The following MTHFD1 variants were observed in gnomAD, a reference collection of about 807,000 sequenced individuals.
MTHFD1 encodes the protein C-1-tetrahydrofolate synthase, cytoplasmic.
In MTHFD1, 44 loss-of-function variants were observed where a neutral mutation model predicts 110.3. The ratio of observed to expected loss-of-function variants is 0.40; its 90% CI spans 0.31 to 0.51. The LOEUF (loss-of-function observed/expected upper bound fraction) is 0.51. Among genes scored for constraint, MTHFD1 ranks in the 20% least tolerant of loss-of-function variants. MTHFD1 has a pLI of 0.60. For missense variants in MTHFD1, 909 were observed against 1,173.1 expected (o/e 0.77, Z 3.29); for synonymous variants, 402 against 428.8 (o/e 0.94, Z 0.77).
At chr14:64,455,132 ACAGTATGCTCTT>A in intron 26 of MTHFD1, 1 of 464,232 alleles carries the variant, frequency 2.2e-6, no homozygotes, top group East Asian at 4.4e-5. Flanking sequence ...TTTCCCAGGG[ACAGTATGCTCTT>A]CACTGAATCT....
rs34166790 is a variant in MTHFD1 at position 64,408,285 on chromosome 14, C to CCTTTTTTTTTTTTTTTTTTTTTTTTTT, written c.127-2805_127-2804insCTTTTTTTTTTTTTTTTTTTTTTTTTT. Among the ~76,000 whole-genome samples, 2 of 121,208 alleles carry CCTTTTTTTTTTTTTTTTTTTTTTTTTT rather than the reference C, an allele frequency of 1.7e-5. 1 individual carries two copies. The allele number at this position is 121,208 out of a possible 152,430, so 79.5% of individuals were successfully genotyped here. On this transcript the variant is annotated intron_variant, in intron 2 of 27. Coordinates refer to ENST00000652337, the MANE Select transcript of MTHFD1 (RefSeq NM_005956.4). ...CCACCTTCAAGGAGAAATCAGCATT[C>CCTTTTTTTTTTTTTTTTTTTTTTTTTT]TTTTTTTTTTTTTTTTTTTTGAGAT...
Position 64,429,199 on chromosome 14 carries a change from T to C in MTHFD1, c.1265-985T>C, listed in dbSNP as rs190316050. Among the ~76,000 whole-genome samples, 95 of 143,316 alleles carry C rather than the reference T, an allele frequency of 6.6e-4. 2 individuals are homozygous for C. The highest frequency in any genetic ancestry group is 1.2e-4 in the Non-Finnish European group (8 of 65,614). 94.0% of individuals were successfully genotyped at this position (143,316 alleles called of 152,430 possible). On this transcript the variant is annotated intron_variant, in intron 12 of 27. Coordinates refer to ENST00000652337, the MANE Select transcript of MTHFD1 (RefSeq NM_005956.4). ...AAAATTAGCTGGGCATGGTGGTATG[T>C]GCCTGTAATCCCAGACCATTACCCT...
rs370876472 is a variant in MTHFD1, at chr14:64,458,861, G to A, written c.*4+554G>A. The stretch of plus-strand genomic sequence containing the variant: ...GATATTTTTGAAATTTCAACAGGAC[G>A]TGTCTCTCCTTAGGCAGACCCTTGG... On this transcript the variant is annotated intron_variant, in intron 27 of 27. Transcript: ENST00000652337. Among the ~76,000 whole-genome samples the A allele has an allele frequency of 1.5e-4, 23 of 152,312 alleles. No homozygotes were observed. The East Asian group carries it at 2.3e-3, about 15-fold the overall frequency.
intron 8 of MTHFD1, among the ~76,000 whole-genome samples, chr14:64,423,354 G>A (rs541189207): frequency 6.6e-6 from 1 of 152,162 alleles, no homozygotes; most frequent in Non-Finnish European, 1.5e-5. Context: ...GTAGTGTTAA[G>A]CCTTCTTTGC....
intron 26 of MTHFD1, among the ~76,000 whole-genome samples, chr14:64,457,616 C>T (rs1015328044): frequency 2.0e-5 from 3 of 152,000 alleles, no homozygotes; most frequent in Admixed American, 1.3e-4. Flanking sequence ...CCACCATGCC[C>T]AGCTAATTTT....
At chr14:64,393,227 C>G (rs763367253) in intron 1 of MTHFD1, among the ~76,000 whole-genome samples, 1 of 152,112 alleles carries the variant, frequency 6.6e-6, no homozygotes, top group Non-Finnish European at 1.5e-5. Flanking sequence ...TGGTGAAACC[C>G]CATCTCTACT....
intron 4 of MTHFD1, 52 bp from the exon 5 acceptor site, chr14:64,415,306 C>T: frequency 6.5e-7 from 1 of 1,540,700 alleles, no homozygotes; most frequent in Non-Finnish European, 9.0e-7. Context: ...GTGTTTCTTC[C>T]TACCTTTTGA....
At chr14:64,449,396 G>T in intron 23 of MTHFD1, 49 bp from the exon 24 acceptor site, 1 of 1,592,500 alleles carries the variant, frequency 6.3e-7, no homozygotes, top group Non-Finnish European at 8.6e-7. Flanking sequence ...AGACAATTCT[G>T]TCTCTCCAGC....
At chr14:64,440,296 A>T (rs1181735811) in intron 18 of MTHFD1, 30 bp downstream of exon 18, 4 of 1,614,036 alleles carry the variant, frequency 2.5e-6, no homozygotes, top group South Asian at 2.2e-5. Flanking sequence ...AGGCTTGGCG[A>T]CATATCTGTG....
intron 1 of MTHFD1, 107 bp downstream of exon 1, chr14:64,388,575 A>T (rs936407373): frequency 3.5e-5 from 36 of 1,014,416 alleles, no homozygotes; most frequent in Non-Finnish European, 4.8e-5. Context: ...GTAGCGGAAG[A>T]GTTAGGCCCA....
At chr14:64,388,494 T>C (rs761506485) in intron 1 of MTHFD1, 26 bp downstream of exon 1, 2 of 1,606,216 alleles carry the variant, frequency 1.2e-6, no homozygotes, top group Non-Finnish European at 1.7e-6. Flanking sequence ...TGTTGTTGAG[T>C]GTGGGGCTGT....
chr14:64,439,015 T>A, intron 16 of MTHFD1, 81 bp from the exon 17 acceptor site: 1 of 971,864 alleles, frequency 1.0e-6, no homozygotes, highest in East Asian at 2.4e-5. Context: ...ATTAGACTTA[T>A]TGCTTTAAAA....
chr14:64,431,892 T>C, intron 15 of MTHFD1, 31 bp downstream of exon 15: 2 of 1,577,100 alleles, frequency 1.3e-6, no homozygotes, highest in Non-Finnish European at 1.7e-6. Flanking sequence ...ATTTTTTATA[T>C]TGTATGGAAT....
At chr14:64,445,057 GC>G (rs2078279792) in intron 22 of MTHFD1, 1 of 386,032 alleles carries the variant, frequency 2.6e-6, no homozygotes, top group South Asian at 2.2e-5. Context: ...GGTGGGGAGT[GC>G]TACTGGAATC....
At chr14:64,397,182 T>A (rs2077862640) in intron 1 of MTHFD1, among the ~76,000 whole-genome samples, 2 of 15,200 alleles carry the variant, frequency 1.3e-4, no homozygotes, top group African/African-American at 3.4e-4. Context: ...TATATATATA[T>A]ATATATATAA....
chr14:64,459,697 G>T, intron 27 of MTHFD1, 62 bp from the exon 28 acceptor site: 1 of 1,395,388 alleles, frequency 7.2e-7, no homozygotes, highest in South Asian at 1.3e-5. Flanking sequence ...CAGTATGGAA[G>T]GAACAGGAAA....
At chr14:64,389,666 C>T (rs756886218) in intron 1 of MTHFD1, among the ~76,000 whole-genome samples, 12 of 151,890 alleles carry the variant, frequency 7.9e-5, no homozygotes, top group Admixed American at 5.2e-4. Flanking sequence ...CTGAGATGCG[C>T]CATTGCACTC....
intron 24 of MTHFD1, 79 bp from the exon 25 acceptor site, chr14:64,453,675 C>A: frequency 1.2e-6 from 1 of 833,084 alleles, no homozygotes; most frequent in Admixed American, 1.9e-5. Flanking sequence ...GGACTCTGAC[C>A]TAGAATGTGG....
chr14:64,425,952 G>A, intron 10 of MTHFD1, 67 bp from the exon 11 acceptor site: 1 of 1,601,250 alleles, frequency 6.2e-7, no homozygotes, highest in Non-Finnish European at 8.6e-7. Context: ...TTGGGGGCTT[G>A]TTACTACTGT....
Sources: allele counts gnomAD v4.1 joint callset (sites outside exome capture counted in the v4.1 genomes callset), GRCh38; gene constraint gnomAD v4.1.1; transcripts MANE v1.5; gene names NCBI Gene and HGNC (gene_info 2026-07-23, HGNC 2026-07-21).